The following VPS8 variants were observed in gnomAD, a reference collection of about 807,000 sequenced individuals.
VPS8 encodes the protein VPS8 subunit of CORVET complex, also known as vacuolar protein sorting-associated protein 8 homolog.
In VPS8, 129 loss-of-function variants were observed where a neutral mutation model predicts 216.4. The observed-to-expected ratio is 0.60, with a 90% CI of 0.52 to 0.69. The LOEUF is 0.69. Ranked by LOEUF, VPS8 falls within the 30% of genes least tolerant of loss-of-function variation. VPS8 has a pLI of 0.00. For missense variants in VPS8, 1,531 were observed against 1,683.5 expected, an observed-to-expected ratio of 0.91 and a Z score of 1.59; for synonymous variants, 571 against 565.4, an observed-to-expected ratio of 1.01 and a Z score of -0.14.
At chr3:184,998,099 G>C (rs1391796362) in intron 44 of VPS8, among the ~76,000 whole-genome samples, 3 of 152,192 alleles carry the variant, frequency 2.0e-5, no homozygotes, top group Non-Finnish European at 2.9e-5. Context: ...AGAGACTTCA[G>C]AGGAGCAGAG....
intron 45 of VPS8, among the ~76,000 whole-genome samples, chr3:185,007,061 G>C (rs894500897): frequency 6.6e-6 from 1 of 152,182 alleles, no homozygotes; most frequent in Non-Finnish European, 1.5e-5. Context: ...CTGCCAACAA[G>C]GTTACATAGA....
intron 28 of VPS8, among the ~76,000 whole-genome samples, chr3:184,917,374 C>A (rs1246047538): frequency 1.3e-5 from 2 of 152,128 alleles, no homozygotes; most frequent in East Asian, 3.9e-4. Context: ...GTCTTGCAAC[C>A]TGCAATAAAA....
chr3:184,923,684 G>C (rs1416073711), intron 29 of VPS8, among the ~76,000 whole-genome samples: 2 of 151,916 alleles, frequency 1.3e-5, no homozygotes. Flanking sequence ...TTAATCTATA[G>C]TTTCCCTCTT....
At chr3:184,880,787 G>A (rs1475088510) in intron 21 of VPS8, among the ~76,000 whole-genome samples, 5 of 152,180 alleles carry the variant, frequency 3.3e-5, no homozygotes, top group Non-Finnish European at 5.9e-5. Context: ...CCCTAGCAGT[G>A]TGTAAGTGAT....
chr3:184,812,405 G>C (rs1429494689), intron 1 of VPS8, 180 bp downstream of exon 1: 6 of 152,228 alleles, frequency 3.9e-5, no homozygotes, highest in African/African-American at 1.4e-4. Context: ...CCCGAGCCAC[G>C]GGCCGGGCGG....
chr3:184,852,262 G>A (rs539420371), intron 10 of VPS8, among the ~76,000 whole-genome samples: 2 of 152,048 alleles, frequency 1.3e-5, no homozygotes, highest in Non-Finnish European at 2.9e-5. Flanking sequence ...TTCTTTTATC[G>A]TGATGAAAGG....
chr3:185,003,621 C>T (rs1753755548), intron 45 of VPS8, among the ~76,000 whole-genome samples: 1 of 151,960 alleles, frequency 6.6e-6, no homozygotes, highest in African/African-American at 2.4e-5. Context: ...TTTTCTATTC[C>T]ACAAAACCGC....
intron 8 of VPS8, among the ~76,000 whole-genome samples, chr3:184,844,787 A>G (rs1722820717): frequency 6.6e-6 from 1 of 152,258 alleles, no homozygotes. Flanking sequence ...ATTCAGGGCA[A>G]TGCCAAATAG....
chr3:184,949,911 T>C (rs1744350042), intron 36 of VPS8, among the ~76,000 whole-genome samples: 1 of 152,020 alleles, frequency 6.6e-6, no homozygotes, highest in Non-Finnish European at 1.5e-5. Context: ...TTGCTGCTGT[T>C]GTTGTTTTTT....
At chr3:185,017,465 C>T (rs1485089438) in intron 45 of VPS8, among the ~76,000 whole-genome samples, 1 of 152,186 alleles carries the variant, frequency 6.6e-6, no homozygotes, top group Non-Finnish European at 1.5e-5. Context: ...TTTCACCTTT[C>T]CCCATTTCCA....
At chr3:185,040,921 G>C (rs993776234) in intron 46 of VPS8, among the ~76,000 whole-genome samples, 5 of 152,062 alleles carry the variant, frequency 3.3e-5, no homozygotes, top group Non-Finnish European at 5.9e-5. Context: ...AGCCAAGGTT[G>C]GCCAGGCGCG....
intron 42 of VPS8, among the ~76,000 whole-genome samples, chr3:184,987,201 C>T (rs1401469061): frequency 6.6e-6 from 1 of 152,130 alleles, no homozygotes; most frequent in East Asian, 1.9e-4. Context: ...GCAACGTCCA[C>T]CTCCCAGGTT....
At chr3:184,844,799 T>A (rs1372776866) in intron 8 of VPS8, among the ~76,000 whole-genome samples, 3 of 152,220 alleles carry the variant, frequency 2.0e-5, no homozygotes, top group Non-Finnish European at 4.4e-5. Context: ...GCCAAATAGA[T>A]GTGTTGTTTG....
At chr3:184,884,169 C>G (rs965901229) in intron 21 of VPS8, among the ~76,000 whole-genome samples, 1 of 152,054 alleles carries the variant, frequency 6.6e-6, no homozygotes, top group Admixed American at 6.5e-5. Context: ...GTGTGCTACA[C>G]CCATCAGCTC....
chr3:184,829,343 A>G (rs1423271647), intron 3 of VPS8, among the ~76,000 whole-genome samples: 2 of 152,068 alleles, frequency 1.3e-5, no homozygotes, highest in Admixed American at 1.3e-4. Context: ...CCTCCCGAGT[A>G]GGTGGGATTA....
chr3:184,886,048 A>G (rs1450951828), intron 21 of VPS8, 62 bp from the exon 22 acceptor site: 1 of 1,541,522 alleles, frequency 6.5e-7, no homozygotes, highest in South Asian at 1.2e-5. Context: ...CAGACCTGTC[A>G]TTATCAGTGG....
chr3:184,819,997 T>C (rs898183364), intron 1 of VPS8, among the ~76,000 whole-genome samples: 4 of 152,020 alleles, frequency 2.6e-5, no homozygotes, highest in Admixed American at 6.6e-5. Context: ...TTGAGTAGGC[T>C]GAGGAGGAGG....
At chr3:184,842,694 C>T (rs1283382544) in intron 7 of VPS8, among the ~76,000 whole-genome samples, 1 of 152,104 alleles carries the variant, frequency 6.6e-6, no homozygotes. Context: ...GAAAGTGTAG[C>T]AAGAAGAGCT....
At position 184,914,989 on chromosome 3, in the gene VPS8, T is replaced by C. The variant is rs1737271815; in HGVS notation, c.2198T>C (p.Leu733Pro). The C allele has an allele frequency of 1.2e-6, 2 of 1,613,862 alleles. No homozygotes were observed. Among genetic ancestry groups the C allele is most frequent in the Non-Finnish European group, 1.7e-6 (2 of 1,179,836 alleles). Residue 733 changes from leucine to proline, a missense_variant, in exon 27 of 48, where the codon CTA becomes CCA. By Grantham distance (98) the Leu-to-Pro change is moderately conservative (BLOSUM62 -3). This residue lies in a region of VPS8 where 1,318 missense variants were observed against 1,468.4 expected (regional missense o/e 0.90). Coordinates refer to ENST00000625842, the MANE Select transcript of VPS8 (RefSeq NM_001009921.3). The part of the protein sequence containing the change: ...NKLLVYISCC[L>P]AGRAYPLGDI... Reference sequence around the variant, plus strand: ...TCATTCTTTTCTTCTAGCTGTTGTCTAGCAGGTCGTGCCTATCCCCTTGGT... The same window carrying C: ...TCATTCTTTTCTTCTAGCTGTTGTCCAGCAGGTCGTGCCTATCCCCTTGGT...
Sources: gnomAD v4.1 joint callset for allele counts (sites outside exome capture counted in the v4.1 genomes callset) on GRCh38, gnomAD v4.1.1 for gene constraint, gnomAD v4.1.1 regional missense constraint, MANE v1.5 for transcripts, NCBI Gene and HGNC (gene_info 2026-07-23, HGNC 2026-07-21) for gene names.